ITSN1: variants seen among roughly 807,000 people sequenced by gnomAD.
ITSN1 encodes the protein intersectin-1.
Under a neutral mutation model 239.8 loss-of-function variants are expected in ITSN1, and 58 were observed. The observed-to-expected ratio is 0.24, with a 90% CI of 0.20 to 0.30. The LOEUF (loss-of-function observed/expected upper bound fraction) is 0.30, where lower values mean the gene tolerates loss of function less well. Ranked by LOEUF, ITSN1 falls within the 10% of genes least tolerant of loss-of-function variation. The pLI is 1.00. For synonymous variants in ITSN1, 780 were observed against 770.8 expected (o/e 1.01, Z -0.20); for missense variants, 1,558 against 2,103.3 (o/e 0.74, Z 5.07).
chr21:33,678,309 C>T (rs1202956841), intron 1 of ITSN1, among the ~76,000 whole-genome samples: 1 of 152,216 alleles, frequency 6.6e-6, no homozygotes, highest in Non-Finnish European at 1.5e-5. Flanking sequence ...CCTCTAGTCA[C>T]CATCTATCTT....
At chr21:33,654,167 C>T (rs1385078757) in intron 1 of ITSN1, among the ~76,000 whole-genome samples, 2 of 151,972 alleles carry the variant, frequency 1.3e-5, no homozygotes, top group African/African-American at 4.8e-5. Context: ...CCACCTCAGC[C>T]TCCCAAGTAG....
intron 5 of ITSN1, among the ~76,000 whole-genome samples, chr21:33,740,283 G>A (rs2066762338): frequency 6.6e-6 from 1 of 152,152 alleles, no homozygotes; most frequent in Non-Finnish European, 1.5e-5. Flanking sequence ...GGGCAGTTTG[G>A]ATATGGAGAG....
intron 39 of ITSN1, among the ~76,000 whole-genome samples, chr21:33,887,272 T>C (rs1415543278): frequency 6.6e-6 from 1 of 150,980 alleles, no homozygotes; most frequent in Non-Finnish European, 1.5e-5. Context: ...TGAGCCATGA[T>C]GGTACCACTA....
intron 1 of ITSN1, among the ~76,000 whole-genome samples, chr21:33,700,055 C>T (rs1197065969): frequency 1.3e-5 from 2 of 151,580 alleles, no homozygotes; most frequent in Non-Finnish European, 2.9e-5. Flanking sequence ...AGCCACCTGC[C>T]CTGCTTGAAT....
At chr21:33,848,888 C>T (rs1388244857) in intron 29 of ITSN1, among the ~76,000 whole-genome samples, 2 of 152,242 alleles carry the variant, frequency 1.3e-5, no homozygotes, top group African/African-American at 4.8e-5. Flanking sequence ...TCAAATTCCT[C>T]CTCCCCTGCT....
At chr21:33,791,232 C>A (rs549300830) in intron 16 of ITSN1, among the ~76,000 whole-genome samples, 7 of 152,320 alleles carry the variant, frequency 4.6e-5, no homozygotes, top group Middle Eastern at 6.8e-3. Flanking sequence ...GATTTCCTTA[C>A]AACTGTGTAT....
chr21:33,835,845 C>T (rs1385609887), intron 28 of ITSN1, among the ~76,000 whole-genome samples: 3 of 152,184 alleles, frequency 2.0e-5, no homozygotes, highest in Admixed American at 6.5e-5. Flanking sequence ...GTAGGAGAAT[C>T]GGTTGAACCC....
chr21:33,675,316 C>T (rs754459946), intron 1 of ITSN1, among the ~76,000 whole-genome samples: 1 of 152,078 alleles, frequency 6.6e-6, no homozygotes, highest in Non-Finnish European at 1.5e-5. Context: ...GTAATCCCAG[C>T]ACTTTGGGAG....
chr21:33,735,468 C>T, intron 5 of ITSN1: 1 of 399,558 alleles, frequency 2.5e-6, no homozygotes, highest in Non-Finnish European at 4.5e-6. Context: ...CAGTCCGCTG[C>T]TGCAGCTTCT....
intron 1 of ITSN1, among the ~76,000 whole-genome samples, chr21:33,701,719 C>T (rs1218687646): frequency 6.6e-6 from 1 of 151,090 alleles, no homozygotes; most frequent in Non-Finnish European, 1.5e-5. Flanking sequence ...CACTTGAACC[C>T]AGGAGGCGGA....
chr21:33,669,941 G>C (rs2090164175), intron 1 of ITSN1, among the ~76,000 whole-genome samples: 1 of 152,002 alleles, frequency 6.6e-6, no homozygotes, highest in African/African-American at 2.4e-5. Flanking sequence ...TATTGATCTG[G>C]CTTAGTTCTG....
intron 5 of ITSN1, chr21:33,735,436 C>A: frequency 1.9e-6 from 1 of 528,258 alleles, no homozygotes; most frequent in South Asian, 2.1e-5. Context: ...GGCCGCCAGT[C>A]AGGGGAAAAG....
intron 1 of ITSN1, among the ~76,000 whole-genome samples, chr21:33,669,496 G>A (rs949607381): frequency 2.1e-5 from 3 of 143,548 alleles, no homozygotes; most frequent in Non-Finnish European, 4.6e-5. Flanking sequence ...CTGGAGTGTC[G>A]TGGTGCGATC....
intron 1 of ITSN1, among the ~76,000 whole-genome samples, chr21:33,649,645 C>G (rs977554669): frequency 3.3e-5 from 5 of 152,084 alleles, no homozygotes; most frequent in African/African-American, 9.7e-5. Context: ...GCGTTTGGCC[C>G]TTCATTGAGT....
Position 33,767,839 on chromosome 21 carries a change from C to T in ITSN1, c.1042+11C>T, listed in dbSNP as rs763947679. On this transcript the variant is annotated intron_variant, in intron 11 of 39. Coordinates refer to ENST00000381318, the MANE Select transcript of ITSN1 (RefSeq NM_003024.3). ...AAAAGAAATTACCTGGTAAGGCAGC[C>T]TTTATGTTGAGTTAAATCATTTAGA... 1 of 1,411,784 alleles carries T rather than the reference C, an allele frequency of 7.1e-7. No individual in the cohort carries two copies. Among genetic ancestry groups the T allele is most frequent in the Non-Finnish European group, 1.0e-6 (1 of 998,926 alleles). The allele number at this position is 1,411,784 out of a possible 1,614,324, so 87.5% of individuals were successfully genotyped here.
intron 30 of ITSN1, 40 bp from the exon 31 acceptor site, chr21:33,858,646 C>A: frequency 7.5e-7 from 1 of 1,329,650 alleles, no homozygotes; most frequent in Non-Finnish European, 1.1e-6. Flanking sequence ...GAGTTTTAAG[C>A]TAACTGCTTT....
At chr21:33,672,932 G>A (rs747592765) in intron 1 of ITSN1, among the ~76,000 whole-genome samples, 15 of 152,196 alleles carry the variant, frequency 9.9e-5, no homozygotes, top group Admixed American at 5.2e-4. Context: ...GGATGGTCTC[G>A]ATCTCTTGAC....
chr21:33,717,142 A>T (rs963066597), intron 1 of ITSN1, among the ~76,000 whole-genome samples: 3 of 152,072 alleles, frequency 2.0e-5, no homozygotes, highest in African/African-American at 4.8e-5. Context: ...CATTTTTTTT[A>T]ATTTAAATTT....
At chr21:33,706,134 C>T (rs576580660) in intron 1 of ITSN1, among the ~76,000 whole-genome samples, 1 of 152,314 alleles carries the variant, frequency 6.6e-6, no homozygotes, top group East Asian at 1.9e-4. Flanking sequence ...ATTCTCCTGC[C>T]TCAGCCTCCC....
Sources: gnomAD v4.1 joint callset for allele counts (sites outside exome capture counted in the v4.1 genomes callset) on GRCh38, gnomAD v4.1.1 for gene constraint, MANE v1.5 for transcripts, NCBI Gene and HGNC (gene_info 2026-07-23, HGNC 2026-07-21) for gene names.